Variants in NRXN3 observed in about 807,000 individuals in gnomAD.
NRXN3 encodes the protein neurexin III.
A neutral mutation model predicts 137.6 loss-of-function variants in NRXN3; 32 were observed. The observed-to-expected ratio is 0.23, with a 90% CI of 0.18 to 0.31. The LOEUF is 0.31. Among genes scored for constraint, NRXN3 ranks in the 10% least tolerant of loss-of-function variants. The probability of loss-of-function intolerance (pLI) is 1.00; values close to 1 mark genes in which losing one functional copy is unlikely to be tolerated. For synonymous variants in NRXN3, 798 were observed against 784.5 expected (o/e 1.02, Z -0.29); for missense variants, 1,574 against 2,062.5 (o/e 0.76, Z 4.59).
intron 4 of NRXN3, among the ~76,000 whole-genome samples, chr14:78,471,346 C>T (rs567087285): frequency 4.1e-4 from 61 of 150,168 alleles, no homozygotes; most frequent in African/African-American, 1.4e-3. Context: ...CCAAGAAATT[C>T]ACCTCTGGCT....
chr14:79,568,522 G>A (rs7160334), intron 16 of NRXN3, among the ~76,000 whole-genome samples: 23,233 of 152,070 alleles, frequency 0.15, 2,154 homozygotes, highest in African/African-American at 0.27. Context: ...CCACCTCAGA[G>A]AGATGTTCTC....
intron 4 of NRXN3, among the ~76,000 whole-genome samples, chr14:78,540,051 C>A (rs538686880): frequency 6.6e-6 from 1 of 151,958 alleles, no homozygotes; most frequent in African/African-American, 2.4e-5. Flanking sequence ...TTGGAATAAG[C>A]GCGATGTGGT....
chr14:79,138,539 T>C (rs1462362025), intron 15 of NRXN3, among the ~76,000 whole-genome samples: 2 of 152,226 alleles, frequency 1.3e-5, no homozygotes, highest in African/African-American at 4.8e-5. Flanking sequence ...AGATAGGGGA[T>C]AGCAGAAGTG....
chr14:79,811,413 T>C (rs1359563325), intron 20 of NRXN3, among the ~76,000 whole-genome samples: 1 of 152,142 alleles, frequency 6.6e-6, no homozygotes, highest in African/African-American at 2.4e-5. Context: ...CAAATAGTTG[T>C]TCACATACTT....
At chr14:79,283,452 A>G (rs1030888529) in intron 15 of NRXN3, among the ~76,000 whole-genome samples, 1 of 152,194 alleles carries the variant, frequency 6.6e-6, no homozygotes, top group Non-Finnish European at 1.5e-5. Flanking sequence ...AGACAGATGG[A>G]AGAAACAGAA....
intron 15 of NRXN3, among the ~76,000 whole-genome samples, chr14:79,359,557 C>T (rs942688734): frequency 3.5e-5 from 5 of 143,438 alleles, no homozygotes; most frequent in Admixed American, 1.5e-4. Flanking sequence ...AGCAAACATC[C>T]GTAACATTTA....
At chr14:78,599,702 C>CT (rs1415100409) in intron 4 of NRXN3, among the ~76,000 whole-genome samples, 4 of 152,160 alleles carry the variant, frequency 2.6e-5, no homozygotes, top group Admixed American at 1.3e-4. Flanking sequence ...CCAGATCACT[C>CT]TTTTTTTACA....
At chr14:78,532,689 T>C (rs1351179580) in intron 4 of NRXN3, among the ~76,000 whole-genome samples, 1 of 152,120 alleles carries the variant, frequency 6.6e-6, no homozygotes, top group Non-Finnish European at 1.5e-5. Context: ...ATCCTTTCTT[T>C]GACGCCACAT....
chr14:78,696,400 A>G (rs2098226289), intron 6 of NRXN3, among the ~76,000 whole-genome samples: 1 of 152,006 alleles, frequency 6.6e-6, no homozygotes, highest in South Asian at 2.1e-4. Flanking sequence ...AGCATGTTAC[A>G]TGTATTTAAC....
intron 4 of NRXN3, among the ~76,000 whole-genome samples, chr14:78,509,024 G>A (rs1271836783): frequency 6.6e-6 from 1 of 152,088 alleles, no homozygotes; most frequent in Non-Finnish European, 1.5e-5. Flanking sequence ...TTTGGGCCAG[G>A]CATGGTGGCT....
chr14:79,254,481 G>A (rs1265086188), intron 15 of NRXN3, among the ~76,000 whole-genome samples: 1 of 151,798 alleles, frequency 6.6e-6, no homozygotes, highest in East Asian at 1.9e-4. Flanking sequence ...TCTTCACTCT[G>A]CTCCATAGGC....
chr14:78,851,439 TA>T (rs1315710406), intron 10 of NRXN3, among the ~76,000 whole-genome samples: 1 of 152,210 alleles, frequency 6.6e-6, no homozygotes, highest in African/African-American at 2.4e-5. Flanking sequence ...AAGGCTGTGT[TA>T]GAGAGTGTGG....
intron 19 of NRXN3, among the ~76,000 whole-genome samples, chr14:79,764,752 T>A (rs1482320641): frequency 6.6e-6 from 1 of 152,158 alleles, no homozygotes; most frequent in African/African-American, 2.4e-5. Flanking sequence ...TGGAGGAAAG[T>A]AATTAGCTAT....
At chr14:79,097,933 C>T (rs1190743552) in intron 15 of NRXN3, among the ~76,000 whole-genome samples, 2 of 152,118 alleles carry the variant, frequency 1.3e-5, no homozygotes, top group Non-Finnish European at 2.9e-5. Flanking sequence ...AATAAGTGCT[C>T]AGCAGGTTGT....
intron 17 of NRXN3, among the ~76,000 whole-genome samples, chr14:79,669,761 A>T (rs1269937139): frequency 3.3e-5 from 5 of 152,018 alleles, no homozygotes; most frequent in Non-Finnish European, 5.9e-5. Flanking sequence ...GGAGCTTGTT[A>T]AAAATGCAGA....
At chr14:79,404,478 AG>A (rs2153500534) in intron 15 of NRXN3, among the ~76,000 whole-genome samples, 1 of 152,228 alleles carries the variant, frequency 6.6e-6, no homozygotes, top group Admixed American at 6.5e-5. Context: ...TCCACACTCG[AG>A]AAAACCCCGA....
rs1014114583 is a variant in NRXN3 at position 79,208,576 on chromosome 14, A to G, written c.3262+220435A>G. 3.3e-5 allele frequency among the ~76,000 whole-genome samples: 5 copies of G among 152,318 alleles called. No homozygotes were observed. The South Asian group carries it at 1.0e-3, about 32-fold the overall frequency. On this transcript the variant is annotated intron_variant, in intron 15 of 20. Transcript: ENST00000335750. The stretch of plus-strand genomic sequence containing the variant: ...TATTTTCTATGACTAAGTAACAGTA[A>G]TATTCATAATAGCAACTGACATTCA...
chr14:79,715,226 T>G (rs565155579), intron 19 of NRXN3, among the ~76,000 whole-genome samples: 1 of 152,282 alleles, frequency 6.6e-6, no homozygotes, highest in East Asian at 1.9e-4. Flanking sequence ...GAGCTGGGAT[T>G]ACAGGCGTGA....
At chr14:79,028,779 CT>C (rs752320246) in intron 15 of NRXN3, among the ~76,000 whole-genome samples, 28 of 152,202 alleles carry the variant, frequency 1.8e-4, no homozygotes, top group Non-Finnish European at 3.1e-4. Flanking sequence ...ATGGAGAGGA[CT>C]TTTGAATTAA....
Sources: gnomAD v4.1 joint callset for allele counts (sites outside exome capture counted in the v4.1 genomes callset) on GRCh38, gnomAD v4.1.1 for gene constraint, MANE v1.5 for transcripts, NCBI Gene and HGNC (gene_info 2026-07-23, HGNC 2026-07-21) for gene names.